EVA1C: variants seen among roughly 807,000 people sequenced by gnomAD.
EVA1C encodes the protein eva-1 homolog C, also known as protein eva-1 homolog C.
EVA1C carries 25 observed loss-of-function variants against 45.4 expected under a neutral mutation model. That is an observed-to-expected ratio of 0.55 (90% CI 0.40 to 0.77). The LOEUF (loss-of-function observed/expected upper bound fraction) is 0.77. Among genes scored for constraint, EVA1C ranks in the 30% least tolerant of loss-of-function variants. The pLI is 0.00. For synonymous variants in EVA1C, 190 were observed against 221.2 expected (o/e 0.86, Z 1.25); for missense variants, 479 against 554.8 (o/e 0.86, Z 1.37).
At chr21:32,476,286 C>T (rs912013799) in intron 4 of EVA1C, among the ~76,000 whole-genome samples, 1 of 151,804 alleles carries the variant, frequency 6.6e-6, no homozygotes, top group Admixed American at 6.6e-5. Context: ...TGTTTTTTGG[C>T]AGTTTGGGTT....
At chr21:32,440,773 C>G (rs2035144681) in intron 1 of EVA1C, among the ~76,000 whole-genome samples, 1 of 152,162 alleles carries the variant, frequency 6.6e-6, no homozygotes, top group South Asian at 2.1e-4. Context: ...TGCTCTTGCT[C>G]TAGTAGTCTT....
At chr21:32,492,846 C>T (rs550125354) in intron 4 of EVA1C, among the ~76,000 whole-genome samples, 2 of 152,152 alleles carry the variant, frequency 1.3e-5, no homozygotes, top group Admixed American at 6.5e-5. Context: ...GGTCCCTCAC[C>T]CACCCTTTCA....
chr21:32,485,771 C>T (rs1486561905), intron 4 of EVA1C, among the ~76,000 whole-genome samples: 1 of 152,254 alleles, frequency 6.6e-6, no homozygotes, highest in African/African-American at 2.4e-5. Context: ...AGGGCACACA[C>T]TACCACCAAA....
At chr21:32,430,695 G>C (rs2034664409) in intron 1 of EVA1C, among the ~76,000 whole-genome samples, 1 of 151,938 alleles carries the variant, frequency 6.6e-6, no homozygotes, top group Non-Finnish European at 1.5e-5. Flanking sequence ...AGATCAGGCA[G>C]GGCACAGTGG....
chr21:32,507,436 G>A (rs549745124), intron 7 of EVA1C, among the ~76,000 whole-genome samples: 2 of 151,212 alleles, frequency 1.3e-5, no homozygotes, highest in East Asian at 3.9e-4. Flanking sequence ...ACGTGTGTGT[G>A]CATAGGTGTC....
At chr21:32,458,783 G>A (rs2035887467) in intron 3 of EVA1C, among the ~76,000 whole-genome samples, 1 of 152,064 alleles carries the variant, frequency 6.6e-6, no homozygotes, top group Admixed American at 6.6e-5. Context: ...GCCTGGTCGA[G>A]TTAAGCATTT....
At chr21:32,472,306 G>GCT (rs1392084888) in intron 4 of EVA1C, among the ~76,000 whole-genome samples, 1,963 of 152,150 alleles carry the variant, frequency 0.013, 33 homozygotes, top group Admixed American at 0.038. Flanking sequence ...CTACAGGCAT[G>GCT]TGCCACCACA....
At chr21:32,479,857 T>TC (rs948812912) in intron 4 of EVA1C, among the ~76,000 whole-genome samples, 20 of 151,860 alleles carry the variant, frequency 1.3e-4, no homozygotes, top group East Asian at 9.7e-4. Context: ...CTTTTTTTTT[T>TC]TTCTTCTTCT....
chr21:32,476,797 C>T (rs142426098), intron 4 of EVA1C, among the ~76,000 whole-genome samples: 343 of 152,274 alleles, frequency 2.3e-3, no homozygotes, highest in African/African-American at 7.6e-3. Flanking sequence ...GTATCCTGCA[C>T]CGCAGTGGGA....
chr21:32,451,784 C>T (rs1236889688), intron 1 of EVA1C, among the ~76,000 whole-genome samples: 1 of 152,186 alleles, frequency 6.6e-6, no homozygotes, highest in Non-Finnish European at 1.5e-5. Context: ...CTCTGTGTCT[C>T]TTCTTTTCTT....
intron 1 of EVA1C, among the ~76,000 whole-genome samples, chr21:32,414,952 T>C (rs912908058): frequency 6.6e-6 from 1 of 152,190 alleles, no homozygotes; most frequent in African/African-American, 2.4e-5. Context: ...TTCTATATCA[T>C]GTGAGGTCAG....
At chr21:32,427,520 C>T (rs143252949) in intron 1 of EVA1C, among the ~76,000 whole-genome samples, 1 of 151,936 alleles carries the variant, frequency 6.6e-6, no homozygotes, top group East Asian at 1.9e-4. Flanking sequence ...TGAGATCATC[C>T]TGGCCAATGT....
chr21:32,414,196 G>C (rs1288388545), intron 1 of EVA1C, among the ~76,000 whole-genome samples: 1 of 152,176 alleles, frequency 6.6e-6, no homozygotes, highest in Non-Finnish European at 1.5e-5. Flanking sequence ...GCCAAGATAA[G>C]GCCTATTTGG....
chr21:32,487,122 T>C (rs2036995736), intron 4 of EVA1C, among the ~76,000 whole-genome samples: 1 of 152,184 alleles, frequency 6.6e-6, no homozygotes, highest in African/African-American at 2.4e-5. Context: ...GGAACGTCTT[T>C]TGTTATTCAT....
chr21:32,486,067 G>A (rs1463949831), intron 4 of EVA1C, among the ~76,000 whole-genome samples: 1 of 152,168 alleles, frequency 6.6e-6, no homozygotes, highest in African/African-American at 2.4e-5. Flanking sequence ...TGAACCAATC[G>A]CCATGAGCAG....
chr21:32,467,338 C>CTT (rs1203728775), intron 3 of EVA1C, among the ~76,000 whole-genome samples: 10 of 152,062 alleles, frequency 6.6e-5, no homozygotes, highest in Non-Finnish European at 1.5e-4. Flanking sequence ...AGAAAAGGCC[C>CTT]CCTTCAGTGA....
In EVA1C at chr21:32,438,002, C is replaced by T. The variant is rs564658016; in HGVS notation, c.161-15310C>T. Among the ~76,000 whole-genome samples the T allele has an allele frequency of 2.0e-4, 31 of 152,294 alleles. 1 individual carries two copies. The South Asian group carries it at 2.3e-3, about 11-fold the overall frequency. ...CCCGGTCTTTCCTGTTTCCGCTCTG[C>T]GTCTATCAAGGAGGAGCAGCTGTTT... is the stretch of plus-strand genomic sequence containing the variant. On this transcript the variant is annotated intron_variant, in intron 1 of 7. Transcript: ENST00000300255.
intron 6 of EVA1C, 81 bp from the exon 7 acceptor site, chr21:32,503,845 G>A (rs2037636757): frequency 2.3e-6 from 2 of 866,162 alleles, no homozygotes; most frequent in East Asian, 5.4e-5. Flanking sequence ...CGGTCCCTGG[G>A]GTAGGAGCAG....
chr21:32,415,793 C>G (rs965552202), intron 1 of EVA1C, among the ~76,000 whole-genome samples: 132 of 152,154 alleles, frequency 8.7e-4, no homozygotes, highest in African/African-American at 3.1e-3. Context: ...GCTATCATCA[C>G]TGCATTAAAA....
Sources: allele counts gnomAD v4.1 joint callset (sites outside exome capture counted in the v4.1 genomes callset), GRCh38; gene constraint gnomAD v4.1.1; transcripts MANE v1.5; gene names NCBI Gene and HGNC (gene_info 2026-07-23, HGNC 2026-07-21).